IKZF2: variants seen among roughly 807,000 people sequenced by gnomAD.
IKZF2 encodes IKAROS family zinc finger 2, also known as zinc finger protein Helios.
A neutral mutation model predicts 49.2 loss-of-function variants in IKZF2; 15 were observed. The observed-to-expected ratio is 0.30, with a 90% CI of 0.20 to 0.47. IKZF2 has a LOEUF of 0.47. IKZF2 is among the 20% of genes least tolerant of loss of function. The pLI is 1.00. For missense variants in IKZF2, 567 were observed against 664.6 expected (o/e 0.85, Z 1.61); for synonymous variants, 227 against 221.4 (o/e 1.03, Z -0.23).
chr2:213,142,851 T>C (rs1344223790), intron 4 of IKZF2, among the ~76,000 whole-genome samples: 2 of 151,952 alleles, frequency 1.3e-5, no homozygotes, highest in Admixed American at 6.6e-5. Flanking sequence ...CTAAGTGCAC[T>C]CAATAAAGGA....
intron 6 of IKZF2, among the ~76,000 whole-genome samples, chr2:213,026,798 T>C: frequency 6.6e-6 from 1 of 152,154 alleles, no homozygotes; most frequent in Admixed American, 6.6e-5. Context: ...CAATATATTT[T>C]GAACATTTCC....
At chr2:213,021,220 A>G (rs1325612270) in intron 7 of IKZF2, among the ~76,000 whole-genome samples, 1 of 152,008 alleles carries the variant, frequency 6.6e-6, no homozygotes, top group Non-Finnish European at 1.5e-5. Flanking sequence ...CTCAAAAAAA[A>G]TAAAATAAAA....
intron 4 of IKZF2, among the ~76,000 whole-genome samples, chr2:213,086,369 C>T (rs1403794756): frequency 6.6e-6 from 1 of 151,984 alleles, no homozygotes; most frequent in Admixed American, 6.6e-5. Context: ...GTACTAAATA[C>T]CAACAAAATA....
At chr2:213,147,870 A>C in intron 3 of IKZF2, 58 bp from the exon 4 acceptor site, 1 of 1,335,808 alleles carries the variant, frequency 7.5e-7, no homozygotes, top group Non-Finnish European at 1.1e-6. Flanking sequence ...AGATGTAATT[A>C]CTAACTTTGC....
intron 4 of IKZF2, among the ~76,000 whole-genome samples, chr2:213,114,261 GT>G (rs368944214): frequency 1.3e-5 from 2 of 151,376 alleles, no homozygotes; most frequent in Admixed American, 6.6e-5. Flanking sequence ...GGTGCAACGG[GT>G]TTTTTTTTAC....
intron 4 of IKZF2, among the ~76,000 whole-genome samples, chr2:213,071,921 TA>T (rs1230522415): frequency 6.6e-6 from 1 of 151,648 alleles, no homozygotes; most frequent in African/African-American, 2.4e-5. Context: ...AACACACACA[TA>T]CACACACACA....
intron 4 of IKZF2, among the ~76,000 whole-genome samples, chr2:213,102,257 T>C (rs1446259584): frequency 1.3e-5 from 2 of 152,110 alleles, no homozygotes; most frequent in Admixed American, 1.3e-4. Flanking sequence ...AACCAAGGCG[T>C]GGTGCTGTTG....
chr2:213,115,139 C>T (rs1559292769), intron 4 of IKZF2, among the ~76,000 whole-genome samples: 2 of 152,160 alleles, frequency 1.3e-5, no homozygotes, highest in Non-Finnish European at 2.9e-5. Context: ...ATAAAGCATA[C>T]TGCATGTTCC....
intron 6 of IKZF2, among the ~76,000 whole-genome samples, chr2:213,027,351 C>T (rs1488738657): frequency 6.6e-6 from 1 of 152,234 alleles, no homozygotes; most frequent in East Asian, 1.9e-4. Flanking sequence ...GATTACATTT[C>T]CTTTTTTGTG....
Position 213,118,866 on chromosome 2 carries a change from C to G in IKZF2, c.139+28842G>C, listed in dbSNP as rs116073210. On this transcript the variant is annotated intron_variant, in intron 4 of 8. Transcript: ENST00000434687. ...TCTTCTCCATACCCTCCAGCATAAT[C>G]TGGTACCTGAAATCTCCATTATCAG... 2.6e-3 allele frequency among the ~76,000 whole-genome samples: 389 copies of G among 152,322 alleles called. 2 individuals carry two copies. The highest frequency in any genetic ancestry group is 8.1e-3 in the African/African-American group (338 of 41,566).
intron 7 of IKZF2, chr2:213,021,685 C>T (rs540293025): frequency 6.5e-6 from 3 of 464,620 alleles, no homozygotes; most frequent in Middle Eastern, 3.2e-4. Flanking sequence ...TTCTTTTAGG[C>T]AGCCTACAGA....
chr2:213,099,063 T>A (rs1209354524), intron 4 of IKZF2, among the ~76,000 whole-genome samples: 1 of 152,150 alleles, frequency 6.6e-6, no homozygotes, highest in Non-Finnish European at 1.5e-5. Flanking sequence ...GAAAACAAGA[T>A]AAAAATTCAA....
At chr2:213,124,252 G>A (rs10185602) in intron 4 of IKZF2, among the ~76,000 whole-genome samples, 85 of 136,322 alleles carry the variant, frequency 6.2e-4, no homozygotes, top group African/African-American at 2.1e-3. Flanking sequence ...GCGCGCGCGC[G>A]CACACACACA....
At chr2:213,104,647 C>T (rs1574858098) in intron 4 of IKZF2, among the ~76,000 whole-genome samples, 2 of 152,128 alleles carry the variant, frequency 1.3e-5, no homozygotes, top group South Asian at 2.1e-4. Context: ...GATAAGGGCA[C>T]GCATAGAAGC....
chr2:213,010,630 A>G (rs1465195483), intron 8 of IKZF2, among the ~76,000 whole-genome samples: 2 of 152,080 alleles, frequency 1.3e-5, no homozygotes, highest in Non-Finnish European at 2.9e-5. Flanking sequence ...TTTATGTGCA[A>G]TGTAAAAAGA....
At chr2:213,016,670 A>G (rs999854484) in intron 7 of IKZF2, among the ~76,000 whole-genome samples, 1 of 152,170 alleles carries the variant, frequency 6.6e-6, no homozygotes, top group African/African-American at 2.4e-5. Context: ...ATAACCAAAC[A>G]TCCTCTTTGA....
chr2:213,121,978 A>G lies in IKZF2; in HGVS notation c.139+25730T>C, dbSNP rs1455099004. Among the ~76,000 whole-genome samples the G allele has an allele frequency of 3.3e-5, 5 of 152,188 alleles. No homozygotes were observed. The East Asian group carries it at 7.7e-4, about 23-fold the overall frequency. Reference sequence around the variant, plus strand: ...GCAGAAATAAATAATAGAGAGTGTAATAAAATACAGTGTGAAAATATTCAC... The same window carrying G: ...GCAGAAATAAATAATAGAGAGTGTAGTAAAATACAGTGTGAAAATATTCAC... On this transcript the variant is annotated intron_variant, in intron 4 of 8. Transcript: ENST00000434687.
rs763075987 is a variant in IKZF2, at chr2:213,041,365, G to A, written c.574+8348C>T. Among the ~76,000 whole-genome samples, 13 of 151,442 alleles carry A rather than the reference G, an allele frequency of 8.6e-5. 1 individual carries two copies. Among genetic ancestry groups the A allele is most frequent in the South Asian group, 6.3e-4 (3 of 4,788 alleles). Reference sequence around the variant, plus strand: ...GGGGGGGGTGGGAGGATGGAGTTTCGCTCTGTCACCCAGGCTGGTGTCCGC... The same window carrying A: ...GGGGGGGGTGGGAGGATGGAGTTTCACTCTGTCACCCAGGCTGGTGTCCGC... On this transcript the variant is annotated intron_variant, in intron 6 of 8. Transcript: ENST00000434687.
intron 4 of IKZF2, among the ~76,000 whole-genome samples, chr2:213,066,771 C>G (rs1373875010): frequency 6.6e-6 from 1 of 152,008 alleles, no homozygotes; most frequent in Non-Finnish European, 1.5e-5. Flanking sequence ...AATGAATGAG[C>G]ATTTTAAGTA....
Sources: allele counts gnomAD v4.1 joint callset (sites outside exome capture counted in the v4.1 genomes callset), GRCh38; gene constraint gnomAD v4.1.1; transcripts MANE v1.5; gene names NCBI Gene and HGNC (gene_info 2026-07-23, HGNC 2026-07-21).